The following CAST variants were observed in gnomAD, a reference collection of about 807,000 sequenced individuals.
CAST encodes the protein MIR583 host.
CAST carries 76 observed loss-of-function variants against 119.6 expected under a neutral mutation model. The ratio of observed to expected loss-of-function variants is 0.64; its 90% confidence interval spans 0.53 to 0.77. CAST has a LOEUF of 0.77. CAST is among the 30% of genes least tolerant of loss of function. CAST has a pLI of 0.00. For missense variants in CAST, 953 were observed against 946.5 expected, an observed-to-expected ratio of 1.01 and a Z score of -0.09; for synonymous variants, 319 against 331.6, an observed-to-expected ratio of 0.96 and a Z score of 0.41.
At chr5:96,483,560 C>A in the CAST span, among the ~76,000 whole-genome samples, 1 of 152,114 alleles carries the variant, frequency 6.6e-6, no homozygotes, top group Admixed American at 6.6e-5. Context: ...AAGAATTATT[C>A]TGACTTTTTA....
At chr5:96,286,631 G>T in the CAST span, among the ~76,000 whole-genome samples, 6 of 152,154 alleles carry the variant, frequency 3.9e-5, no homozygotes, top group Admixed American at 3.9e-4. Flanking sequence ...CTCCAACAAG[G>T]TCTGATTTGT....
At chr5:96,618,526 G>A (rs144641666) in intron 1 of CAST, among the ~76,000 whole-genome samples, 12 of 152,360 alleles carry the variant, frequency 7.9e-5, no homozygotes, top group African/African-American at 1.2e-4. Flanking sequence ...ACGCACGGGT[G>A]GGAACCGGGG....
At chr5:96,725,511 TA>T (rs1177099282) in intron 4 of CAST, among the ~76,000 whole-genome samples, 8 of 152,226 alleles carry the variant, frequency 5.3e-5, no homozygotes, top group Non-Finnish European at 8.8e-5. Flanking sequence ...ATGGGTATAA[TA>T]ATACTTGTCT....
chr5:96,727,781 A>G (rs1161146383), intron 6 of CAST, among the ~76,000 whole-genome samples: 1 of 152,210 alleles, frequency 6.6e-6, no homozygotes, highest in Non-Finnish European at 1.5e-5. Context: ...GTTCAAATCT[A>G]GTTTTTTGTT....
chr5:96,507,395 T>C, the CAST span, among the ~76,000 whole-genome samples: 2 of 152,176 alleles, frequency 1.3e-5, no homozygotes, highest in African/African-American at 2.4e-5. Context: ...GAGCATCCAG[T>C]CGAATCTTAC....
chr5:96,504,180 G>A, the CAST span, among the ~76,000 whole-genome samples: 69 of 152,258 alleles, frequency 4.5e-4, no homozygotes, highest in Non-Finnish European at 8.8e-4. Flanking sequence ...AGGAGAATTC[G>A]AATCTTGCTG....
the CAST span, among the ~76,000 whole-genome samples, chr5:96,316,215 A>G: frequency 6.6e-6 from 1 of 152,246 alleles, no homozygotes; most frequent in Non-Finnish European, 1.5e-5. Context: ...ACTTGCCATC[A>G]TTTTAGTATG....
At chr5:96,462,103 C>T in the CAST span, among the ~76,000 whole-genome samples, 1 of 152,212 alleles carries the variant, frequency 6.6e-6, no homozygotes, top group African/African-American at 2.4e-5. Context: ...TGTTCCCCAG[C>T]ACGGACTCTT....
chr5:96,110,166 A>T, the CAST span, among the ~76,000 whole-genome samples: 1 of 152,302 alleles, frequency 6.6e-6, no homozygotes, highest in Non-Finnish European at 1.5e-5. Context: ...TCAAGATTGC[A>T]GATGGTTTAT....
At chr5:96,393,616 G>A in the CAST span, among the ~76,000 whole-genome samples, 1 of 152,170 alleles carries the variant, frequency 6.6e-6, no homozygotes, top group Non-Finnish European at 1.5e-5. Context: ...GGTGGAATAA[G>A]AGTACCTCCA....
At chr5:96,329,313 C>T in the CAST span, among the ~76,000 whole-genome samples, 1 of 152,342 alleles carries the variant, frequency 6.6e-6, no homozygotes, top group East Asian at 1.9e-4. Context: ...CATATTACTT[C>T]TCTTAATATT....
the CAST span, among the ~76,000 whole-genome samples, chr5:96,298,879 A>AGTGTGTGTGTGTGT: frequency 5.9e-3 from 890 of 149,676 alleles, 13 homozygotes; most frequent in African/African-American, 0.019. Flanking sequence ...AAATTAGGAG[A>AGTGTGTGTGTGTGT]GTGTGTGTGT....
the CAST span, among the ~76,000 whole-genome samples, chr5:96,168,245 C>T: frequency 1.6e-4 from 24 of 152,270 alleles, no homozygotes; most frequent in African/African-American, 5.5e-4. Context: ...ACCTTATCAG[C>T]GTAAGCATTG....
At chr5:96,235,125 A>G in the CAST span, among the ~76,000 whole-genome samples, 1 of 152,192 alleles carries the variant, frequency 6.6e-6, no homozygotes, top group Non-Finnish European at 1.5e-5. Flanking sequence ...CCTCCAAGTG[A>G]TTCTCCTGGT....
the CAST span, among the ~76,000 whole-genome samples, chr5:96,514,241 A>G: frequency 6.6e-6 from 1 of 152,134 alleles, no homozygotes; most frequent in Non-Finnish European, 1.5e-5. Flanking sequence ...ATATTTTTTC[A>G]TACTGCATTA....
the CAST span, among the ~76,000 whole-genome samples, chr5:96,382,457 G>A: frequency 1.3e-5 from 2 of 152,290 alleles, no homozygotes; most frequent in African/African-American, 4.8e-5. Context: ...CTGGGCATCA[G>A]CTATTATTCT....
At chr5:95,996,842 A>T in the CAST span, among the ~76,000 whole-genome samples, 80 of 152,170 alleles carry the variant, frequency 5.3e-4, no homozygotes, top group Admixed American at 4.1e-3. Context: ...TAAACACAGG[A>T]TTATACCTGA....
At chr5:96,643,529 G>C (rs1296991302) in intron 1 of CAST, among the ~76,000 whole-genome samples, 2 of 151,998 alleles carry the variant, frequency 1.3e-5, no homozygotes, top group Non-Finnish European at 1.5e-5. Flanking sequence ...TCTGAGGTCA[G>C]GAGTTCGAGA....
the CAST span, among the ~76,000 whole-genome samples, chr5:96,413,963 CAAAAAAAA>C: frequency 3.8e-3 from 85 of 22,428 alleles, no homozygotes; most frequent in Admixed American, 0.016. Flanking sequence ...ACTAAAAATA[CAAAAAAAA>C]AAAAAAAAAA....
Sources: allele counts gnomAD v4.1 joint callset (sites outside exome capture counted in the v4.1 genomes callset), GRCh38; gene constraint gnomAD v4.1.1; transcripts MANE v1.5; gene names NCBI Gene and HGNC (gene_info 2026-07-23, HGNC 2026-07-21).